RNF115: variants seen among roughly 807,000 people sequenced by gnomAD.
RNF115 encodes ring finger protein 115.
In RNF115, 31 loss-of-function variants were observed where a neutral mutation model predicts 39.2. That is an observed-to-expected ratio of 0.79 (90% CI 0.59 to 1.07). The LOEUF is 1.07. Ranked by LOEUF, RNF115 falls within the 50% of genes least tolerant of loss-of-function variation. RNF115 has a pLI of 0.00. For synonymous variants in RNF115, 124 were observed against 131.0 expected, an observed-to-expected ratio of 0.95 and a Z score of 0.37; for missense variants, 384 against 381.7, an observed-to-expected ratio of 1.01 and a Z score of -0.05.
At chr1:145,766,617 CG>C (rs1647293523) in intron 4 of RNF115, among the ~76,000 whole-genome samples, 1 of 145,394 alleles carries the variant, frequency 6.9e-6, no homozygotes, top group African/African-American at 2.6e-5. Context: ...GCTGGCCGGG[CG>C]GGGGGCTGAC....
intron 3 of RNF115, 100 bp downstream of exon 3, chr1:145,784,439 T>C: frequency 9.3e-7 from 1 of 1,077,462 alleles, no homozygotes; most frequent in Non-Finnish European, 1.4e-6. Flanking sequence ...ATACATTCAG[T>C]TAAACTCTGA....
chr1:145,773,791 GT>G (rs55649492), intron 3 of RNF115: 80 of 144,400 alleles, frequency 5.5e-4, no homozygotes, highest in East Asian at 8.1e-4. Context: ...TGTTTGCCCT[GT>G]TTTTTTTTTT....
intron 7 of RNF115, among the ~76,000 whole-genome samples, chr1:145,748,850 C>A (rs1657975191): frequency 6.7e-6 from 1 of 150,094 alleles, no homozygotes; most frequent in African/African-American, 2.5e-5. Flanking sequence ...CGCCACTGCA[C>A]TCCAGCCTGG....
intron 1 of RNF115, among the ~76,000 whole-genome samples, chr1:145,799,459 A>C (rs183674662): frequency 4.1e-4 from 62 of 152,246 alleles, no homozygotes; most frequent in African/African-American, 1.5e-3. Context: ...TTTCTTGCCT[A>C]AATTGGCTCT....
chr1:145,801,651 T>C (rs1488125985), intron 1 of RNF115, among the ~76,000 whole-genome samples: 1 of 152,220 alleles, frequency 6.6e-6, no homozygotes, highest in Non-Finnish European at 1.5e-5. Flanking sequence ...ATCCTACGCT[T>C]ACCTATTAAT....
chr1:145,752,194 C>T (rs1211613064), intron 5 of RNF115, among the ~76,000 whole-genome samples: 1 of 152,132 alleles, frequency 6.6e-6, no homozygotes, highest in East Asian at 1.9e-4. Context: ...TCTTTAATCC[C>T]ATCATACATA....
At chr1:145,787,251 C>T (rs587743824) in intron 2 of RNF115, among the ~76,000 whole-genome samples, 10 of 152,294 alleles carry the variant, frequency 6.6e-5, no homozygotes, top group African/African-American at 2.4e-4. Context: ...AAGAGGCCAT[C>T]CTATCAATGC....
In RNF115 at chr1:145,765,263, C is replaced by T. The variant is rs373730521; in HGVS notation, c.428+6448G>A. Among the ~76,000 whole-genome samples the T allele has an allele frequency of 2.0e-4, 31 of 152,220 alleles. 1 individual carries two copies. The East Asian group carries it at 5.0e-3, about 25-fold the overall frequency. On this transcript the variant is annotated intron_variant, in intron 4 of 8. Transcript: ENST00000582693. Reference sequence around the variant, plus strand: ...CATCACCACTCCCTAATCTCAAGTACCCAGGGACACAAACACTGTGGAAGG... The same window carrying T: ...CATCACCACTCCCTAATCTCAAGTATCCAGGGACACAAACACTGTGGAAGG...
At chr1:145,752,764 T>C (rs1210035438) in intron 5 of RNF115, among the ~76,000 whole-genome samples, 1 of 151,928 alleles carries the variant, frequency 6.6e-6, no homozygotes, top group African/African-American at 2.4e-5. Flanking sequence ...ATTTTTTATA[T>C]TTTTAGTAGA....
intron 1 of RNF115, among the ~76,000 whole-genome samples, chr1:145,805,761 T>C (rs1274539541): frequency 6.6e-6 from 1 of 152,054 alleles, no homozygotes; most frequent in East Asian, 1.9e-4. Context: ...CACTAAACCG[T>C]AGCTAGCAGG....
chr1:145,763,941 C>G (rs1411745756), intron 4 of RNF115, among the ~76,000 whole-genome samples: 2 of 131,464 alleles, frequency 1.5e-5, no homozygotes, highest in Non-Finnish European at 3.2e-5. Context: ...CCCTCTCTTG[C>G]CATGGTCTCC....
intron 3 of RNF115, 176 bp from the exon 4 acceptor site, chr1:145,772,095 T>C (rs1236714998): frequency 1.8e-6 from 1 of 571,068 alleles, no homozygotes; most frequent in African/African-American, 1.9e-5. Flanking sequence ...GATCTATACA[T>C]CTTCAACTTT....
In RNF115 at chr1:145,741,010, G is replaced by A. The variant is rs184016431; in HGVS notation, c.*5856C>T. ...ATGCCACCACACCTGGCTAATTTTTGTATTTTTAGTAGACATGGTGTTTTA... is the reference window on the plus strand; with the variant it reads ...ATGCCACCACACCTGGCTAATTTTTATATTTTTAGTAGACATGGTGTTTTA... On this transcript the variant is annotated 3_prime_UTR_variant, in exon 9 of 9. Transcript: ENST00000582693. 7 of 152,226 alleles carry A rather than the reference G, an allele frequency of 4.6e-5. No homozygotes were observed. The highest frequency in any genetic ancestry group is 9.6e-5 in the African/African-American group (4 of 41,526). The allele number at this position is 152,226 out of a possible 1,614,324, so 9.4% of individuals were successfully genotyped here. A position where few individuals can be genotyped will look rare whatever the true frequency, so the allele number is the denominator to read the frequency against.
Position 145,794,498 on chromosome 1 carries a change from CTTTCTTTTTT to C in RNF115, c.103-5542_103-5533del, listed in dbSNP as rs1227211597. Among the ~76,000 whole-genome samples the C allele has an allele frequency of 1.1e-4, 13 of 114,974 alleles. No homozygotes were observed. In the East Asian group the frequency reaches 2.5e-3, roughly 22 times the overall value. The allele number at this position is 114,974 out of a possible 152,430, so 75.4% of individuals were successfully genotyped here. A position where few individuals can be genotyped will look rare whatever the true frequency, so the allele number is the denominator to read the frequency against. Reference sequence around the variant, plus strand: ...CTGCATGGCAAGGGGCATCTAATCTCTTTCTTTTTTTTTTTTTTTTTTTTTTTTTGAGACA... The same window carrying C: ...CTGCATGGCAAGGGGCATCTAATCTCTTTTTTTTTTTTTTTTTTTGAGACA... On this transcript the variant is annotated intron_variant, in intron 1 of 8. Coordinates refer to ENST00000582693, the MANE Select transcript of RNF115 (RefSeq NM_014455.4).
chr1:145,768,451 G>A (rs12567533), intron 4 of RNF115, among the ~76,000 whole-genome samples: 71,377 of 152,090 alleles, frequency 0.47, 17,117 homozygotes, highest in East Asian at 0.7. Flanking sequence ...GAGTAGCTGC[G>A]ATAACAGGCA....
intron 1 of RNF115, among the ~76,000 whole-genome samples, chr1:145,799,189 T>G (rs1385377041): frequency 6.6e-6 from 1 of 151,678 alleles, no homozygotes; most frequent in African/African-American, 2.4e-5. Flanking sequence ...TGCCTCAGCC[T>G]CCCGAGTAGC....
At chr1:145,812,325 G>C (rs1649764704) in intron 1 of RNF115, among the ~76,000 whole-genome samples, 1 of 150,030 alleles carries the variant, frequency 6.7e-6, no homozygotes, top group Non-Finnish European at 1.5e-5. Context: ...ATCAAGGAGA[G>C]AGATTAATCT....
At chr1:145,775,999 A>AAAAAAT (rs56326028) in intron 3 of RNF115, among the ~76,000 whole-genome samples, 3 of 151,448 alleles carry the variant, frequency 2.0e-5, no homozygotes, top group East Asian at 1.9e-4. Context: ...CCCTGTCTCA[A>AAAAAAT]AAAAATAAAA....
intron 1 of RNF115, among the ~76,000 whole-genome samples, chr1:145,807,836 AC>A (rs1296487730): frequency 6.6e-6 from 1 of 151,300 alleles, no homozygotes; most frequent in Non-Finnish European, 1.5e-5. Context: ...CACATACCTC[AC>A]CCCCTCTGCC....
Sources: gnomAD v4.1 joint callset for allele counts (sites outside exome capture counted in the v4.1 genomes callset) on GRCh38, gnomAD v4.1.1 for gene constraint, MANE v1.5 for transcripts, NCBI Gene and HGNC (gene_info 2026-07-23, HGNC 2026-07-21) for gene names.